Variants in DCLK1 observed in about 807,000 individuals in gnomAD.
DCLK1 encodes the protein serine/threonine-protein kinase DCLK1.
Under a neutral mutation model 86.2 loss-of-function variants are expected in DCLK1, and 16 were observed. The observed-to-expected ratio is 0.19, with a 90% CI of 0.13 to 0.28. The LOEUF is 0.28. Ranked by LOEUF, DCLK1 falls within the 10% of genes least tolerant of loss-of-function variation. DCLK1 has a pLI of 1.00. For synonymous variants in DCLK1, 369 were observed against 370.5 expected (o/e 1.00, Z 0.05); for missense variants, 590 against 940.2 (o/e 0.63, Z 4.87).
At chr13:35,924,904 T>C (rs79601252) in intron 4 of DCLK1, among the ~76,000 whole-genome samples, 3,541 of 152,296 alleles carry the variant, frequency 0.023, 179 homozygotes, top group East Asian at 0.22. Context: ...TTACCTATCA[T>C]CTATGGCTGC....
intron 4 of DCLK1, among the ~76,000 whole-genome samples, chr13:35,941,324 T>C (rs1877069912): frequency 6.6e-6 from 1 of 152,198 alleles, no homozygotes; most frequent in African/African-American, 2.4e-5. Context: ...CTGATACAGC[T>C]TCTGTCTTAT....
In DCLK1 at chr13:35,771,124, T is replaced by G. The variant is rs558964726; in HGVS notation, c.*3411A>C. ...AGTAAACAACCATGATTTAATGTGC[T>G]TGAGACTTGGTCATATGGGAGCTCT... On this transcript the variant is annotated 3_prime_UTR_variant, in exon 17 of 17. Transcript: ENST00000360631. 6.6e-6 allele frequency: 1 copy of G among 152,352 alleles called. No individual in the cohort carries two copies. Among genetic ancestry groups the G allele is most frequent in the South Asian group, 2.1e-4 (1 of 4,830 alleles). The allele number at this position is 152,352 out of a possible 1,614,324, so 9.4% of individuals were successfully genotyped here.
chr13:36,018,648 T>G (rs1881633087), intron 3 of DCLK1, among the ~76,000 whole-genome samples: 1 of 152,206 alleles, frequency 6.6e-6, no homozygotes, highest in Admixed American at 6.5e-5. Context: ...TTTATAAGGC[T>G]ACCTATAAAG....
chr13:35,958,150 C>CCACCAT (rs1566620689), intron 3 of DCLK1, among the ~76,000 whole-genome samples: 2,499 of 22,956 alleles, frequency 0.11, 82 homozygotes, highest in African/African-American at 0.26. Flanking sequence ...ACCACCACCA[C>CCACCAT]CACTATAACC....
intron 3 of DCLK1, among the ~76,000 whole-genome samples, chr13:36,092,786 G>A (rs948277148): frequency 2.0e-5 from 3 of 151,214 alleles, no homozygotes; most frequent in African/African-American, 7.3e-5. Context: ...GCGCCCGGCC[G>A]CGAGAGGCGT....
intron 16 of DCLK1, among the ~76,000 whole-genome samples, chr13:35,785,902 T>C (rs2086613453): frequency 6.6e-6 from 1 of 152,202 alleles, no homozygotes; most frequent in African/African-American, 2.4e-5. Flanking sequence ...CTAAATGGCA[T>C]TATAAAACTT....
At chr13:35,892,625 C>T (rs977600996) in intron 4 of DCLK1, among the ~76,000 whole-genome samples, 2 of 152,152 alleles carry the variant, frequency 1.3e-5, no homozygotes, top group Non-Finnish European at 2.9e-5. Flanking sequence ...TTTAGAGGAT[C>T]TCAGAAATGG....
chr13:36,120,254 C>T (rs9546434), intron 2 of DCLK1, among the ~76,000 whole-genome samples: 27,715 of 151,946 alleles, frequency 0.18, 3,081 homozygotes, highest in East Asian at 0.45. Flanking sequence ...TACATCTACA[C>T]GGCAAAAAAC....
chr13:35,888,019 T>A (rs1176963663), intron 4 of DCLK1, among the ~76,000 whole-genome samples: 1 of 152,142 alleles, frequency 6.6e-6, no homozygotes, highest in Non-Finnish European at 1.5e-5. Flanking sequence ...TCTTTTTATA[T>A]TCTTTCACAT....
At chr13:36,074,519 A>C (rs1216307936) in intron 3 of DCLK1, among the ~76,000 whole-genome samples, 7 of 93,342 alleles carry the variant, frequency 7.5e-5, no homozygotes, top group Admixed American at 4.6e-4. Flanking sequence ...AAAAAAAAAC[A>C]GAGAAGACAA....
At chr13:35,989,972 GCTT>G (rs1251161665) in intron 3 of DCLK1, among the ~76,000 whole-genome samples, 1 of 151,898 alleles carries the variant, frequency 6.6e-6, no homozygotes, top group East Asian at 1.9e-4. Flanking sequence ...ATACCTTTTT[GCTT>G]TTTTAAAGAA....
At chr13:35,978,496 G>A (rs893323639) in intron 3 of DCLK1, among the ~76,000 whole-genome samples, 9 of 152,064 alleles carry the variant, frequency 5.9e-5, no homozygotes, top group African/African-American at 2.2e-4. Flanking sequence ...GTGAGCCACC[G>A]TGCCCGGTCT....
intron 2 of DCLK1, among the ~76,000 whole-genome samples, chr13:36,119,962 C>T (rs1253249185): frequency 6.6e-6 from 1 of 152,176 alleles, no homozygotes; most frequent in Non-Finnish European, 1.5e-5. Context: ...TAAACAGGAA[C>T]TTCCTATCTC....
At chr13:36,058,194 C>A (rs1883406160) in intron 3 of DCLK1, among the ~76,000 whole-genome samples, 1 of 152,064 alleles carries the variant, frequency 6.6e-6, no homozygotes, top group Non-Finnish European at 1.5e-5. Context: ...ATTAAGGATC[C>A]ATCTCTGTGA....
At chr13:36,004,121 T>C (rs1359145797) in intron 3 of DCLK1, among the ~76,000 whole-genome samples, 1 of 152,210 alleles carries the variant, frequency 6.6e-6, no homozygotes, top group African/African-American at 2.4e-5. Context: ...AATATAGGCC[T>C]TTCCTTGATT....
At chr13:35,886,364 G>A (rs922579378) in intron 4 of DCLK1, among the ~76,000 whole-genome samples, 7 of 152,078 alleles carry the variant, frequency 4.6e-5, no homozygotes, top group Admixed American at 2.6e-4. Context: ...TTAAAAATAC[G>A]GCAGCCAATC....
At chr13:35,823,425 T>C (rs2087443025) in intron 10 of DCLK1, among the ~76,000 whole-genome samples, 1 of 151,666 alleles carries the variant, frequency 6.6e-6, no homozygotes. Flanking sequence ...AGAGTGGGCA[T>C]AGTGTTTTCT....
chr13:35,945,633 A>C (rs977605374), intron 4 of DCLK1, among the ~76,000 whole-genome samples: 5 of 152,140 alleles, frequency 3.3e-5, no homozygotes, highest in African/African-American at 1.2e-4. Flanking sequence ...ATTTTCTTTA[A>C]ATGGAAAGTT....
intron 3 of DCLK1, among the ~76,000 whole-genome samples, chr13:36,036,750 C>T (rs778194430): frequency 4.6e-5 from 7 of 151,934 alleles, no homozygotes; most frequent in African/African-American, 1.2e-4. Flanking sequence ...ATGAATAATA[C>T]GTTAATTTTG....
Sources: gnomAD v4.1 joint callset for allele counts (sites outside exome capture counted in the v4.1 genomes callset) on GRCh38, gnomAD v4.1.1 for gene constraint, MANE v1.5 for transcripts, NCBI Gene and HGNC (gene_info 2026-07-23, HGNC 2026-07-21) for gene names.